The following ATF7 variants were observed in gnomAD, a reference collection of about 807,000 sequenced individuals.
ATF7 encodes activating transcription factor 7.
ATF7 carries 10 observed loss-of-function variants against 50.4 expected under a neutral mutation model. The observed-to-expected ratio is 0.20, with a 90% CI of 0.12 to 0.34. The LOEUF (loss-of-function observed/expected upper bound fraction) is 0.34. Among genes scored for constraint, ATF7 ranks in the 10% least tolerant of loss-of-function variants. The probability of loss-of-function intolerance (pLI) is 1.00; values close to 1 mark genes in which losing one functional copy is unlikely to be tolerated. For synonymous variants in ATF7, 201 were observed against 226.4 expected (o/e 0.89, Z 1.01); for missense variants, 465 against 613.9 (o/e 0.76, Z 2.56).
At chr12:53,526,522 A>G (rs1938482237) in intron 9 of ATF7, among the ~76,000 whole-genome samples, 1 of 152,194 alleles carries the variant, frequency 6.6e-6, no homozygotes, top group African/African-American at 2.4e-5. Flanking sequence ...AAACAACTCT[A>G]TGTTATTAGG....
At chr12:53,568,355 C>T (rs550278485) in intron 2 of ATF7, among the ~76,000 whole-genome samples, 5 of 152,028 alleles carry the variant, frequency 3.3e-5, no homozygotes, top group East Asian at 1.9e-4. Context: ...TCTCTAAAAC[C>T]GTCTCTAAAC....
At chr12:53,523,530 C>G (rs941783870) in intron 10 of ATF7, 146 bp from the exon 11 acceptor site, 1 of 646,600 alleles carries the variant, frequency 1.5e-6, no homozygotes, top group African/African-American at 1.8e-5. Context: ...CAAGGCTTCA[C>G]AGAGCCCAGG....
intron 1 of ATF7, among the ~76,000 whole-genome samples, chr12:53,620,203 C>T (rs2137937709): frequency 6.6e-6 from 1 of 152,152 alleles, no homozygotes; most frequent in African/African-American, 2.4e-5. Flanking sequence ...CTTTGGGAGG[C>T]CGAGGTAGGT....
At chr12:53,510,454 AG>A (rs1172055062), downstream of ATF7, among the ~76,000 whole-genome samples, 1 of 152,204 alleles carries the variant, frequency 6.6e-6, no homozygotes, top group Non-Finnish European at 1.5e-5. Flanking sequence ...AGAGGTCCAG[AG>A]GAGCAGCGGT....
chr12:53,528,043 G>A (rs998380533), intron 9 of ATF7, among the ~76,000 whole-genome samples: 10 of 151,652 alleles, frequency 6.6e-5, no homozygotes, highest in African/African-American at 2.4e-4. Context: ...GGGTTTCACC[G>A]TGTTAGCCAG....
chr12:53,557,046 T>C (rs1829372930), intron 2 of ATF7, among the ~76,000 whole-genome samples: 1 of 151,970 alleles, frequency 6.6e-6, no homozygotes, highest in South Asian at 2.1e-4. Flanking sequence ...GTGCACACCA[T>C]AGTGCCTGGC....
Position 53,569,460 on chromosome 12 carries a change from T to C in ATF7, c.49-16823A>G, listed in dbSNP as rs1055571611. ...CTTCTATTTACCTTTCAAAACCTGTTAAAGCATCATTTCCTCCAGGAAGCC... is the reference window on the plus strand; with the variant it reads ...CTTCTATTTACCTTTCAAAACCTGTCAAAGCATCATTTCCTCCAGGAAGCC... On this transcript the variant is annotated intron_variant, in intron 2 of 11. Transcript: ENST00000420353. Among the ~76,000 whole-genome samples the C allele has an allele frequency of 5.9e-5, 9 of 152,382 alleles. No individual in the cohort carries two copies. The South Asian group carries it at 1.7e-3, about 28-fold the overall frequency.
intron 2 of ATF7, among the ~76,000 whole-genome samples, chr12:53,589,431 T>C (rs1942854122): frequency 6.6e-6 from 1 of 152,184 alleles, no homozygotes; most frequent in South Asian, 2.1e-4. Flanking sequence ...TTCTCTCCCT[T>C]CCCTGTATGC....
chr12:53,566,946 G>GTT (rs1296629989), intron 2 of ATF7, among the ~76,000 whole-genome samples: 1 of 152,114 alleles, frequency 6.6e-6, no homozygotes, highest in Non-Finnish European at 1.5e-5. Flanking sequence ...TACAGATGGG[G>GTT]TTTCACCATC....
At chr12:53,530,195 C>T (rs1420889607) in intron 9 of ATF7, among the ~76,000 whole-genome samples, 2 of 152,218 alleles carry the variant, frequency 1.3e-5, no homozygotes, top group Non-Finnish European at 2.9e-5. Flanking sequence ...GGGTAGGCAG[C>T]CTTAGCTTCC....
At chr12:53,555,812 T>TTTTTG (rs1046344987) in intron 2 of ATF7, among the ~76,000 whole-genome samples, 1 of 148,488 alleles carries the variant, frequency 6.7e-6, no homozygotes, top group Non-Finnish European at 1.5e-5. Context: ...GCCCCGTCTT[T>TTTTTG]TTTTGTTTTG....
At chr12:53,600,840 GATTACCTCCAGTGATCACGTAAA>G in intron 2 of ATF7, 90 bp downstream of exon 2, 1 of 1,022,452 alleles carries the variant, frequency 9.8e-7, no homozygotes, top group Non-Finnish European at 1.5e-6. Context: ...CCTCTGATCT[GATTACCTCCAGTGATCACGTAAA>G]ATACTGGCTT....
chr12:53,588,782 C>T (rs1942827977), intron 2 of ATF7, among the ~76,000 whole-genome samples: 1 of 152,140 alleles, frequency 6.6e-6, no homozygotes. Flanking sequence ...TTTCTTTCCT[C>T]TTTAGAATCA....
intron 2 of ATF7, among the ~76,000 whole-genome samples, chr12:53,582,576 T>TTTTA (rs1354601344): frequency 1.3e-5 from 2 of 151,922 alleles, no homozygotes; most frequent in Non-Finnish European, 2.9e-5. Flanking sequence ...ACTATATATA[T>TTTTA]TTTATTTATT....
intron 1 of ATF7, among the ~76,000 whole-genome samples, chr12:53,603,011 T>C (rs1943463910): frequency 2.0e-5 from 3 of 152,196 alleles, no homozygotes; most frequent in Admixed American, 2.0e-4. Context: ...TTTCCTAATA[T>C]AATCACAAAA....
At chr12:53,529,918 T>G (rs1938763381) in intron 9 of ATF7, among the ~76,000 whole-genome samples, 1 of 151,382 alleles carries the variant, frequency 6.6e-6, no homozygotes, top group South Asian at 2.1e-4. Context: ...TCTTTGTATT[T>G]TTTTTAGTAG....
chr12:53,562,528 A>C (rs943171123), intron 2 of ATF7, among the ~76,000 whole-genome samples: 1 of 152,094 alleles, frequency 6.6e-6, no homozygotes, highest in African/African-American at 2.4e-5. Flanking sequence ...CTGTAATCCC[A>C]GCTACTCGGG....
Position 53,582,326 on chromosome 12 carries a change from TA to T in ATF7, c.48+18626del, listed in dbSNP as rs559306732. Among the ~76,000 whole-genome samples, 734 of 103,962 alleles carry T rather than the reference TA, an allele frequency of 7.1e-3. 7 individuals are homozygous for T. Among genetic ancestry groups the T allele is most frequent in the African/African-American group, 0.019 (547 of 28,088 alleles). 68.2% of individuals were successfully genotyped at this position (103,962 alleles called of 152,430 possible). On this transcript the variant is annotated intron_variant, in intron 2 of 11. Transcript: ENST00000420353. ...CCTGGCGACATAGCAAGACTCTGTCTAAAAAAAAAAAAAAAAAACCTACTAT... is the reference window on the plus strand; with the variant it reads ...CCTGGCGACATAGCAAGACTCTGTCTAAAAAAAAAAAAAAAAACCTACTAT...
chr12:53,548,740 T>G (rs1940114711), intron 3 of ATF7, among the ~76,000 whole-genome samples: 1 of 152,182 alleles, frequency 6.6e-6, no homozygotes, highest in East Asian at 1.9e-4. Context: ...CCCAGCACTT[T>G]GGAAGGCTGA....
Sources: allele counts gnomAD v4.1 joint callset (sites outside exome capture counted in the v4.1 genomes callset), GRCh38; gene constraint gnomAD v4.1.1; transcripts MANE v1.5; gene names NCBI Gene and HGNC (gene_info 2026-07-23, HGNC 2026-07-21).